Variants in SPINT2 observed in about 807,000 individuals in gnomAD.
SPINT2 encodes serine peptidase inhibitor, Kunitz type 2.
Under a neutral mutation model 30.1 loss-of-function variants are expected in SPINT2, and 18 were observed. The observed-to-expected ratio is 0.60, with a 90% CI of 0.41 to 0.89. The LOEUF (loss-of-function observed/expected upper bound fraction) is 0.89, where lower values mean the gene tolerates loss of function less well. SPINT2 is among the 40% of genes least tolerant of loss of function. The probability of loss-of-function intolerance (pLI) is 0.00; values close to 1 mark genes in which losing one functional copy is unlikely to be tolerated. For missense variants in SPINT2, 276 were observed against 334.3 expected, an observed-to-expected ratio of 0.83 and a Z score of 1.36; for synonymous variants, 139 against 137.9, an observed-to-expected ratio of 1.01 and a Z score of -0.05.
chr19:38,287,490 C>A (rs928233432), intron 2 of SPINT2, among the ~76,000 whole-genome samples: 1 of 152,216 alleles, frequency 6.6e-6, no homozygotes, highest in Non-Finnish European at 1.5e-5. Flanking sequence ...AGCCACCGCA[C>A]CCGGCCCTAA....
rs765614036 is a variant in SPINT2 at position 38,292,326 on chromosome 19, C to T, written c.*320C>T. The T allele has an allele frequency of 1.1e-4, 23 of 215,660 alleles. No individual in the cohort carries two copies. Among genetic ancestry groups the T allele is most frequent in the Non-Finnish European group, 1.7e-4 (18 of 107,680 alleles). The allele number at this position is 215,660 out of a possible 1,614,324, so 13.4% of individuals were successfully genotyped here. ...CTCATCACAGAAGTGATGTTGGAATCGTTTCTTTTGTTTGTCTGATTTATG... is the reference window on the plus strand; with the variant it reads ...CTCATCACAGAAGTGATGTTGGAATTGTTTCTTTTGTTTGTCTGATTTATG... On this transcript the variant is annotated 3_prime_UTR_variant, in exon 7 of 7. Transcript: ENST00000301244.
At position 38,291,764 on chromosome 19, in the gene SPINT2, C is replaced by T. The variant is rs982357228; in HGVS notation, c.593-76C>T. ...TCAGGCTGAGCCCACCTGGATTCCC[C>T]AGGCCCTTGGTGAGCGCCACTCTGG... On this transcript the variant is annotated intron_variant, in intron 6 of 6. Coordinates refer to ENST00000301244, the MANE Select transcript of SPINT2 (RefSeq NM_021102.4). The T allele has an allele frequency of 5.1e-6, 8 of 1,555,658 alleles. No individual in the cohort carries two copies. The African/African-American group carries it at 6.8e-5, about 13-fold the overall frequency.
Position 38,283,876 on chromosome 19 carries a change from C to G in SPINT2, c.277+79C>G, listed in dbSNP as rs1255512688. On this transcript the variant is annotated intron_variant, in intron 2 of 6. Coordinates refer to ENST00000301244, the MANE Select transcript of SPINT2 (RefSeq NM_021102.4). ...TTTTTTTTTGAGACGGAGTCTTGCT[C>G]TGTCGCCCAGGCTGGAGTGCAGTGG... 1.5e-5 allele frequency: 21 copies of G among 1,432,698 alleles called. No individual in the cohort carries two copies. In the Admixed American group the frequency reaches 4.5e-4, roughly 31 times the overall value. 88.7% of individuals were successfully genotyped at this position (1,432,698 alleles called of 1,614,324 possible).
At chr19:38,287,738 G>T (rs1430424239) in intron 2 of SPINT2, 138 bp from the exon 3 acceptor site, 1 of 908,356 alleles carries the variant, frequency 1.1e-6, no homozygotes, top group East Asian at 2.4e-5. Context: ...CCAAGTTGTG[G>T]TCTGGCATGC....
chr19:38,274,778 G>T (rs1968496231), intron 1 of SPINT2, among the ~76,000 whole-genome samples: 1 of 150,306 alleles, frequency 6.7e-6, no homozygotes, highest in Non-Finnish European at 1.5e-5. Flanking sequence ...TCGCACTATT[G>T]CATTCCAGCC....
At chr19:38,288,852 A>G in intron 3 of SPINT2, 1 of 432,380 alleles carries the variant, frequency 2.3e-6, no homozygotes, top group Non-Finnish European at 4.3e-6. Context: ...ACTGTATTAG[A>G]AAGTGTGAAC....
At chr19:38,276,753 TTGAA>T (rs1345370881) in intron 1 of SPINT2, among the ~76,000 whole-genome samples, 3 of 152,148 alleles carry the variant, frequency 2.0e-5, no homozygotes, top group Non-Finnish European at 4.4e-5. Context: ...GCAAATGTGA[TTGAA>T]TGAGGGGTAT....
chr19:38,269,279 A>G (rs770313368), intron 1 of SPINT2, among the ~76,000 whole-genome samples: 3 of 150,720 alleles, frequency 2.0e-5, no homozygotes, highest in Non-Finnish European at 4.4e-5. Context: ...TTGTATTTTT[A>G]GTAGAGACAG....
chr19:38,290,826 T>G lies in SPINT2; in HGVS notation c.592+251T>G. Reference sequence around the variant, plus strand: ...GCGTGGGTGACTGGGGATGAGGTCTTCCTGTTGAGCATTTGAGGACTGCTG... The same window carrying G: ...GCGTGGGTGACTGGGGATGAGGTCTGCCTGTTGAGCATTTGAGGACTGCTG... On this transcript the variant is annotated intron_variant, in intron 6 of 6. Transcript: ENST00000301244. This position sits in a 1 kb window ranked among gnomAD's most constrained non-coding sequence, Gnocchi z 4.3. 1 of 598,400 alleles carries G rather than the reference T, an allele frequency of 1.7e-6. No individual in the cohort carries two copies. The highest frequency in any genetic ancestry group is 3.0e-6 in the Non-Finnish European group (1 of 331,424). 37.1% of individuals were successfully genotyped at this position (598,400 alleles called of 1,614,324 possible).
chr19:38,267,866 TC>T (rs1252312932), intron 1 of SPINT2, among the ~76,000 whole-genome samples: 1 of 152,000 alleles, frequency 6.6e-6, no homozygotes, highest in Non-Finnish European at 1.5e-5. Flanking sequence ...AATGGAAGTC[TC>T]CCAGCTGGGG....
intron 1 of SPINT2, among the ~76,000 whole-genome samples, chr19:38,267,428 AG>A (rs774829465): frequency 1.3e-5 from 2 of 151,858 alleles, no homozygotes; most frequent in Non-Finnish European, 2.9e-5. Flanking sequence ...TGTGTGAGGG[AG>A]GGAGGATGGG....
intron 6 of SPINT2, 90 bp from the exon 7 acceptor site, chr19:38,291,750 C>T (rs1968721372): frequency 8.0e-6 from 12 of 1,503,812 alleles, no homozygotes; most frequent in East Asian, 2.4e-5. Context: ...CAGGCTGAGC[C>T]CACCTGGATT....
chr19:38,271,837 G>T (rs1968460720), intron 1 of SPINT2, among the ~76,000 whole-genome samples: 3 of 151,742 alleles, frequency 2.0e-5, no homozygotes, highest in African/African-American at 7.3e-5. Flanking sequence ...AAGAGGGCAA[G>T]AATTCACATG....
intron 1 of SPINT2, among the ~76,000 whole-genome samples, chr19:38,273,534 C>T (rs1175744658): frequency 6.6e-6 from 1 of 152,234 alleles, no homozygotes; most frequent in Non-Finnish European, 1.5e-5. Flanking sequence ...CATTCATTCC[C>T]TGGTGAAAAG....
Position 38,291,877 on chromosome 19 carries a change from C to G in SPINT2, c.630C>G (p.Ile210Met). Residue 210 changes from isoleucine to methionine, a missense_variant, in exon 7 of 7, where the codon ATC becomes ATG. Physicochemically the swap from Ile to Met is conservative, Grantham distance 10. Coordinates refer to ENST00000301244, the MANE Select transcript of SPINT2 (RefSeq NM_021102.4). ...VLAGLFVMVL[I>M]LFLGASMVYL... Reference sequence around the variant, plus strand: ...CGGGGCTGTTCGTGATGGTGTTGATCCTCTTCCTGGGAGCCTCCATGGTCT... The same window carrying G: ...CGGGGCTGTTCGTGATGGTGTTGATGCTCTTCCTGGGAGCCTCCATGGTCT... 6.2e-7 allele frequency: 1 copy of G among 1,613,522 alleles called. No homozygotes were observed. Among genetic ancestry groups the G allele is most frequent in the South Asian group, 1.1e-5 (1 of 91,038 alleles).
chr19:38,280,239 C>T (rs778814129), intron 1 of SPINT2, among the ~76,000 whole-genome samples: 3 of 152,150 alleles, frequency 2.0e-5, no homozygotes, highest in East Asian at 1.9e-4. Flanking sequence ...AGATCGTGAC[C>T]GTGCTCCGGA....
intron 1 of SPINT2, among the ~76,000 whole-genome samples, chr19:38,274,812 T>TA (rs35633044): frequency 0.012 from 1,727 of 139,822 alleles, 14 homozygotes; most frequent in African/African-American, 0.023. Context: ...GAGACTGTCT[T>TA]AAAAAAAAAA....
chr19:38,273,342 A>C (rs1250070699), intron 1 of SPINT2, among the ~76,000 whole-genome samples: 2 of 152,196 alleles, frequency 1.3e-5, no homozygotes, highest in African/African-American at 4.8e-5. Flanking sequence ...CTGATTACAC[A>C]GTAAATGTCA....
chr19:38,290,259 G>A lies in SPINT2; in HGVS notation c.532G>A (p.Ala178Thr). The A allele has an allele frequency of 2.5e-6, 4 of 1,612,188 alleles. No individual in the cohort carries two copies. The highest frequency in any genetic ancestry group is 3.4e-6 in the Non-Finnish European group (4 of 1,179,974). Residue 178 changes from alanine to threonine, a missense_variant, in exon 5 of 7, where the codon GCC becomes ACC. Coordinates refer to ENST00000301244, the MANE Select transcript of SPINT2 (RefSeq NM_021102.4). The surrounding 1 kb of genome is among the most constrained non-coding windows in gnomAD (Gnocchi z 4.3). ...GNKNSYRSEEACMLRCFRQQE... is the reference protein window; with the variant it reads ...GNKNSYRSEETCMLRCFRQQE... The stretch of plus-strand genomic sequence containing the variant: ...TAAGAACAGCTACCGCTCTGAGGAG[G>A]CCTGCATGCTCCGCTGCTTCCGTAA...
Sources: gnomAD v4.1 joint callset for allele counts (sites outside exome capture counted in the v4.1 genomes callset) on GRCh38, gnomAD v4.1.1 for gene constraint, Gnocchi (gnomAD v3.1) non-coding constraint, MANE v1.5 for transcripts, NCBI Gene and HGNC (gene_info 2026-07-23, HGNC 2026-07-21) for gene names.